Variants in LOXHD1 observed in about 807,000 individuals in gnomAD.
LOXHD1 encodes the protein lipoxygenase homology domain-containing protein 1.
Under a neutral mutation model 248.2 loss-of-function variants are expected in LOXHD1, and 205 were observed. The ratio of observed to expected loss-of-function variants is 0.83; its 90% CI spans 0.74 to 0.93. The LOEUF (loss-of-function observed/expected upper bound fraction) is 0.93, where lower values mean the gene tolerates loss of function less well. Among genes scored for constraint, LOXHD1 ranks in the 40% least tolerant of loss-of-function variants. The pLI is 0.00. For missense variants in LOXHD1, 2,930 were observed against 2,971.6 expected, an observed-to-expected ratio of 0.99 and a Z score of 0.33; for synonymous variants, 1,113 against 1,162.8, an observed-to-expected ratio of 0.96 and a Z score of 0.87.
chr18:46,625,851 AC>A (rs2038734725), intron 4 of LOXHD1, among the ~76,000 whole-genome samples: 1 of 151,768 alleles, frequency 6.6e-6, no homozygotes, highest in Non-Finnish European at 1.5e-5. Flanking sequence ...CTGCCTCTCT[AC>A]GGAAGACCCC....
chr18:46,647,137 G>A lies in LOXHD1; in HGVS notation c.245+2018C>T, dbSNP rs185462458. ...GGGGCCAACCCCTGGGGTAATTGGG[G>A]AGGGTTGATTCCCATCCTCAGGGCT... On this transcript the variant is annotated intron_variant, in intron 2 of 40. Transcript: ENST00000642948. Among the ~76,000 whole-genome samples, 30 of 152,340 alleles carry A rather than the reference G, an allele frequency of 2.0e-4. No individual in the cohort carries two copies. In the East Asian group the frequency reaches 5.0e-3, roughly 25 times the overall value.
chr18:46,575,801 C>T (rs1303773886), intron 14 of LOXHD1, among the ~76,000 whole-genome samples: 1 of 152,138 alleles, frequency 6.6e-6, no homozygotes, highest in Non-Finnish European at 1.5e-5. Flanking sequence ...GAACACATGC[C>T]GTCATCAACT....
intron 1 of LOXHD1, among the ~76,000 whole-genome samples, chr18:46,656,678 CG>C (rs1568238159): frequency 6.6e-6 from 1 of 152,184 alleles, no homozygotes; most frequent in African/African-American, 2.4e-5. Context: ...CACTGAGAAT[CG>C]GGGGCTAAAG....
At chr18:46,559,197 G>A (rs758675315) in intron 20 of LOXHD1, 28 of 1,458,956 alleles carry the variant, frequency 1.9e-5, no homozygotes, top group South Asian at 1.8e-4. Flanking sequence ...GCCACTCAAC[G>A]CCATTCTCTG....
intron 35 of LOXHD1, among the ~76,000 whole-genome samples, chr18:46,508,541 C>T (rs146869999): frequency 2.0e-5 from 3 of 152,308 alleles, no homozygotes; most frequent in Middle Eastern, 3.4e-3. Context: ...GACACCTTCA[C>T]CTTGGACTTC....
chr18:46,502,970 A>C (rs1356541524), intron 37 of LOXHD1, among the ~76,000 whole-genome samples: 1 of 152,136 alleles, frequency 6.6e-6, no homozygotes, highest in Non-Finnish European at 1.5e-5. Flanking sequence ...TATTTCTGAG[A>C]TAGAGGCTAT....
chr18:46,577,561 A>T, intron 14 of LOXHD1, 146 bp downstream of exon 14: 1 of 841,126 alleles, frequency 1.2e-6, no homozygotes, highest in Non-Finnish European at 1.8e-6. Flanking sequence ...TCTAAGCACC[A>T]CCAGCGAGGT....
rs2039046298 is a variant in LOXHD1 at position 46,647,468 on chromosome 18, G to A, written c.245+1687C>T. On this transcript the variant is annotated intron_variant, in intron 2 of 40. Coordinates refer to ENST00000642948, the MANE Select transcript of LOXHD1 (RefSeq NM_001384474.1). The stretch of plus-strand genomic sequence containing the variant: ...AAAAGGATTCATTTTGTTTTAAAAG[G>A]AAAAGCTGGGAACTTCAGAAACCAA... Among the ~76,000 whole-genome samples the A allele has an allele frequency of 2.0e-5, 3 of 152,184 alleles. No homozygotes were observed. The South Asian group carries it at 6.2e-4, about 32-fold the overall frequency.
chr18:46,648,426 G>A (rs914464554), intron 2 of LOXHD1, among the ~76,000 whole-genome samples: 11 of 152,206 alleles, frequency 7.2e-5, no homozygotes, highest in African/African-American at 2.7e-4. Context: ...GTTTTCAAAT[G>A]TTTCATGGAC....
intron 28 of LOXHD1, among the ~76,000 whole-genome samples, chr18:46,529,748 G>A (rs770544125): frequency 2.6e-5 from 4 of 152,232 alleles, no homozygotes; most frequent in Non-Finnish European, 5.9e-5. Context: ...GTGTCAACAC[G>A]AGATCCTTCT....
intron 8 of LOXHD1, among the ~76,000 whole-genome samples, chr18:46,598,297 A>G (rs2038288233): frequency 6.6e-6 from 1 of 152,156 alleles, no homozygotes; most frequent in Non-Finnish European, 1.5e-5. Flanking sequence ...ACAATATAAA[A>G]GTAGAAGGGA....
chr18:46,598,561 A>G (rs2038292493), intron 8 of LOXHD1, among the ~76,000 whole-genome samples: 1 of 152,080 alleles, frequency 6.6e-6, no homozygotes, highest in African/African-American at 2.4e-5. Context: ...GAAAAAAAAC[A>G]AAGAATTATT....
At chr18:46,624,133 G>T (rs1286185050) in intron 4 of LOXHD1, among the ~76,000 whole-genome samples, 1 of 152,232 alleles carries the variant, frequency 6.6e-6, no homozygotes, top group Non-Finnish European at 1.5e-5. Context: ...ATTTTAGCAG[G>T]TGAGGGTGAG....
intron 12 of LOXHD1, among the ~76,000 whole-genome samples, chr18:46,585,228 T>C (rs1173917976): frequency 6.6e-6 from 1 of 152,038 alleles, no homozygotes; most frequent in Non-Finnish European, 1.5e-5. Context: ...AGCAAATATA[T>C]AAAAAGATCT....
At chr18:46,555,679 C>T (rs1014981783) in intron 21 of LOXHD1, among the ~76,000 whole-genome samples, 1 of 152,166 alleles carries the variant, frequency 6.6e-6, no homozygotes, top group African/African-American at 2.4e-5. Context: ...TCTTCTCTGT[C>T]CCACTCCACT....
intron 26 of LOXHD1, among the ~76,000 whole-genome samples, chr18:46,536,890 G>T (rs1309723794): frequency 2.6e-5 from 4 of 152,182 alleles, no homozygotes; most frequent in Non-Finnish European, 5.9e-5. Context: ...AGATCCCACT[G>T]CCTGGAGGGC....
chr18:46,521,387 CT>C, intron 32 of LOXHD1, 105 bp from the exon 33 acceptor site: 1 of 1,288,502 alleles, frequency 7.8e-7, no homozygotes, highest in East Asian at 2.5e-5. Flanking sequence ...ATGCTGTGCA[CT>C]TGCTGGCCCA....
intron 28 of LOXHD1, among the ~76,000 whole-genome samples, chr18:46,531,451 G>T (rs2036063109): frequency 6.6e-6 from 1 of 151,928 alleles, no homozygotes; most frequent in African/African-American, 2.4e-5. Context: ...GTGCATTTGG[G>T]CCTGCTCCAC....
chr18:46,608,084 G>GGAAA (rs2038448844), intron 6 of LOXHD1, among the ~76,000 whole-genome samples: 1 of 146,410 alleles, frequency 6.8e-6, no homozygotes, highest in East Asian at 2.1e-4. Context: ...AAGGAAGGGA[G>GGAAA]GAAGGAAGGG....
Sources: gnomAD v4.1 joint callset for allele counts (sites outside exome capture counted in the v4.1 genomes callset) on GRCh38, gnomAD v4.1.1 for gene constraint, MANE v1.5 for transcripts, NCBI Gene and HGNC (gene_info 2026-07-23, HGNC 2026-07-21) for gene names.